The following VTI1A variants were observed in gnomAD, a reference collection of about 807,000 sequenced individuals.
VTI1A encodes the protein vesicle transport through interaction with t-SNAREs 1A.
Under a neutral mutation model 34.9 loss-of-function variants are expected in VTI1A, and 22 were observed. The observed-to-expected ratio is 0.63, with a 90% confidence interval of 0.45 to 0.90. The LOEUF is 0.90. Among genes scored for constraint, VTI1A ranks in the 40% least tolerant of loss-of-function variants. VTI1A has a pLI of 0.00. For missense variants in VTI1A, 268 were observed against 275.6 expected (o/e 0.97, Z 0.20); for synonymous variants, 87 against 97.3 (o/e 0.89, Z 0.62).
At chr10:112,708,405 A>G (rs1849277117) in intron 7 of VTI1A, among the ~76,000 whole-genome samples, 1 of 152,244 alleles carries the variant, frequency 6.6e-6, no homozygotes, top group Non-Finnish European at 1.5e-5. Context: ...AAGAGCTAAT[A>G]TAAGCTTGGG....
rs115546151 is a variant in VTI1A, at chr10:112,738,982, A to G, written c.560+69984A>G. ...GCTCTGAATGGACTCCAGATTCCCA[A>G]TGATGCATGCAGCCCCTCAGGGTCA... is the stretch of plus-strand genomic sequence containing the variant. On this transcript the variant is annotated intron_variant, in intron 7 of 7. Coordinates refer to ENST00000393077, the MANE Select transcript of VTI1A (RefSeq NM_145206.4). Among the ~76,000 whole-genome samples the G allele has an allele frequency of 7.1e-3, 1,082 of 152,310 alleles. 18 individuals are homozygous for G. Among genetic ancestry groups the G allele is most frequent in the African/African-American group, 0.024 (1,013 of 41,568 alleles).
chr10:112,647,327 G>A (rs1590021012), intron 5 of VTI1A, among the ~76,000 whole-genome samples: 2 of 152,206 alleles, frequency 1.3e-5, no homozygotes, highest in South Asian at 4.2e-4. Flanking sequence ...TGTAGAGTGG[G>A]GAAGATTGTT....
At chr10:112,754,667 C>T (rs1203792669) in intron 7 of VTI1A, among the ~76,000 whole-genome samples, 2 of 152,196 alleles carry the variant, frequency 1.3e-5, no homozygotes, top group Non-Finnish European at 2.9e-5. Flanking sequence ...TTTCAAACCT[C>T]ATTCTTAAGG....
intron 5 of VTI1A, among the ~76,000 whole-genome samples, chr10:112,588,908 T>C (rs1243869598): frequency 1.3e-5 from 2 of 152,134 alleles, no homozygotes; most frequent in African/African-American, 4.8e-5. Context: ...CTTCACTCAC[T>C]TGCAGAACAC....
intron 7 of VTI1A, among the ~76,000 whole-genome samples, chr10:112,752,172 G>A (rs564597717): frequency 2.6e-5 from 4 of 152,176 alleles, no homozygotes; most frequent in Non-Finnish European, 5.9e-5. Flanking sequence ...GAAAAAACAC[G>A]AGAAGATGCA....
chr10:112,608,640 A>T (rs1284865163), intron 5 of VTI1A, among the ~76,000 whole-genome samples: 1 of 152,182 alleles, frequency 6.6e-6, no homozygotes, highest in African/African-American at 2.4e-5. Context: ...CGGAAAGATA[A>T]GCACCTGTCA....
intron 5 of VTI1A, among the ~76,000 whole-genome samples, chr10:112,561,488 T>C (rs1378976767): frequency 2.0e-5 from 3 of 152,224 alleles, no homozygotes; most frequent in Non-Finnish European, 2.9e-5. Context: ...TAAATCTCAG[T>C]TTTCCATTTT....
chr10:112,476,001 T>C (rs1848262162), intron 3 of VTI1A, among the ~76,000 whole-genome samples: 1 of 152,212 alleles, frequency 6.6e-6, no homozygotes, highest in Non-Finnish European at 1.5e-5. Flanking sequence ...CCTGTTTAGA[T>C]AAATAAGCTA....
At chr10:112,821,636 C>T (rs1028730026), downstream of VTI1A, among the ~76,000 whole-genome samples, 8 of 152,202 alleles carry the variant, frequency 5.3e-5, no homozygotes, top group Non-Finnish European at 8.8e-5. Context: ...ACAAGCACTT[C>T]GGCATCCTGT....
chr10:112,786,888 G>C (rs1422457108), intron 7 of VTI1A, among the ~76,000 whole-genome samples: 2 of 152,132 alleles, frequency 1.3e-5, no homozygotes, highest in Non-Finnish European at 2.9e-5. Flanking sequence ...TAATATTTTT[G>C]TTTAACTTTT....
intron 7 of VTI1A, among the ~76,000 whole-genome samples, chr10:112,723,928 A>G (rs1431921673): frequency 6.6e-6 from 1 of 152,234 alleles, no homozygotes; most frequent in African/African-American, 2.4e-5. Context: ...TCTAACTGCA[A>G]TTGTGGACAC....
At chr10:112,678,288 A>C (rs974091767) in intron 7 of VTI1A, among the ~76,000 whole-genome samples, 1 of 152,014 alleles carries the variant, frequency 6.6e-6, no homozygotes, top group Non-Finnish European at 1.5e-5. Context: ...TGCACTTTAC[A>C]TTTTCCGTCA....
At chr10:112,467,499 T>G (rs1007070305) in intron 3 of VTI1A, among the ~76,000 whole-genome samples, 1 of 152,184 alleles carries the variant, frequency 6.6e-6, no homozygotes, top group African/African-American at 2.4e-5. Flanking sequence ...TCATAATATT[T>G]TAGGAAAGTT....
At chr10:112,691,911 C>A (rs1352870612) in intron 7 of VTI1A, among the ~76,000 whole-genome samples, 1 of 152,206 alleles carries the variant, frequency 6.6e-6, no homozygotes, top group Non-Finnish European at 1.5e-5. Flanking sequence ...ATTCTGATAA[C>A]CTTTCCATGC....
At chr10:112,658,419 G>A (rs1324256891) in intron 5 of VTI1A, among the ~76,000 whole-genome samples, 1 of 151,982 alleles carries the variant, frequency 6.6e-6, no homozygotes, top group Non-Finnish European at 1.5e-5. Flanking sequence ...GCCCACATTT[G>A]TTCTAAAAAT....
chr10:112,634,378 A>G (rs565669475), intron 5 of VTI1A: 4 of 152,416 alleles, frequency 2.6e-5, no homozygotes, highest in East Asian at 1.9e-4. Context: ...ATGCTGTGCT[A>G]TTTAATTCTT....
intron 5 of VTI1A, among the ~76,000 whole-genome samples, chr10:112,592,667 A>G (rs1322288571): frequency 6.6e-6 from 1 of 152,250 alleles, no homozygotes; most frequent in African/African-American, 2.4e-5. Flanking sequence ...GCCCAATTCT[A>G]TAAATGTTGC....
intron 5 of VTI1A, among the ~76,000 whole-genome samples, chr10:112,604,306 T>C (rs1020745827): frequency 2.6e-5 from 4 of 152,182 alleles, no homozygotes; most frequent in Non-Finnish European, 4.4e-5. Flanking sequence ...GGAAGATACA[T>C]GTAAACAGTT....
chr10:112,602,180 A>G (rs994686487), intron 5 of VTI1A, among the ~76,000 whole-genome samples: 1 of 152,250 alleles, frequency 6.6e-6, no homozygotes, highest in Non-Finnish European at 1.5e-5. Context: ...TAATTCTAAC[A>G]TATTCCTTTC....
Sources: allele counts gnomAD v4.1 joint callset (sites outside exome capture counted in the v4.1 genomes callset), GRCh38; gene constraint gnomAD v4.1.1; transcripts MANE v1.5; gene names NCBI Gene and HGNC (gene_info 2026-07-23, HGNC 2026-07-21).